IMMT: variants seen among roughly 807,000 people sequenced by gnomAD.
IMMT encodes MICOS complex subunit MIC60.
Under a neutral mutation model 92.7 loss-of-function variants are expected in IMMT, and 40 were observed. The observed-to-expected ratio is 0.43, with a 90% CI of 0.34 to 0.56. The LOEUF is 0.56. Ranked by LOEUF, IMMT falls within the 20% of genes least tolerant of loss-of-function variation. The probability of loss-of-function intolerance (pLI) is 0.03; values close to 1 mark genes in which losing one functional copy is unlikely to be tolerated. For synonymous variants in IMMT, 322 were observed against 336.1 expected (o/e 0.96, Z 0.46); for missense variants, 831 against 912.1 (o/e 0.91, Z 1.14).
At position 86,176,195 on chromosome 2, in the gene IMMT, C is replaced by CCTGG. The variant is rs565712078; in HGVS notation, c.310-2438_310-2435dup. Among the ~76,000 whole-genome samples, 256 of 152,312 alleles carry CCTGG rather than the reference C, an allele frequency of 1.7e-3. 2 individuals carry two copies. Among genetic ancestry groups the CCTGG allele is most frequent in the African/African-American group, 6.0e-3 (250 of 41,576 alleles). ...GTTCCTAGGCTGACATTTAAGCACT[C>CCTGG]CTGGCTTCATACTTATTCAGAAGGT... On this transcript the variant is annotated intron_variant, in intron 3 of 14. Coordinates refer to ENST00000410111, the MANE Select transcript of IMMT (RefSeq NM_006839.3).
intron 7 of IMMT, among the ~76,000 whole-genome samples, chr2:86,165,921 G>A (rs1217864219): frequency 6.6e-6 from 1 of 152,216 alleles, no homozygotes; most frequent in Non-Finnish European, 1.5e-5. Flanking sequence ...ATTAAAATAT[G>A]AAAGCAAATC....
At chr2:86,147,960 C>T in intron 12 of IMMT, 127 bp from the exon 13 acceptor site, 1 of 784,512 alleles carries the variant, frequency 1.3e-6, no homozygotes, top group Non-Finnish European at 2.0e-6. Context: ...ATGTGCCAGG[C>T]ATGTGTACAC....
At chr2:86,150,073 G>A (rs1675356460) in intron 12 of IMMT, among the ~76,000 whole-genome samples, 1 of 152,134 alleles carries the variant, frequency 6.6e-6, no homozygotes, top group Non-Finnish European at 1.5e-5. Flanking sequence ...TGGAATAGCT[G>A]AGCAGATTGT....
chr2:86,166,927 G>A (rs1191223078), intron 6 of IMMT, among the ~76,000 whole-genome samples: 5 of 151,308 alleles, frequency 3.3e-5, no homozygotes, highest in African/African-American at 1.2e-4. Flanking sequence ...GTGAAACCCC[G>A]TCTCTACTAA....
chr2:86,169,448 C>G (rs1454020328), intron 6 of IMMT, among the ~76,000 whole-genome samples: 1 of 152,088 alleles, frequency 6.6e-6, no homozygotes, highest in Non-Finnish European at 1.5e-5. Flanking sequence ...GACACCTATG[C>G]TATTCTAAGA....
intron 4 of IMMT, 40 bp downstream of exon 4, chr2:86,173,610 T>G (rs1677246303): frequency 2.7e-6 from 3 of 1,128,864 alleles, no homozygotes. Flanking sequence ...GTGAAGAGAT[T>G]TACCTATAAT....
At position 86,144,189 on chromosome 2, in the gene IMMT, C is replaced by G; in HGVS notation, c.*79G>C. On this transcript the variant is annotated 3_prime_UTR_variant, in exon 15 of 15. Coordinates refer to ENST00000410111, the MANE Select transcript of IMMT (RefSeq NM_006839.3). ...TGCTCATTTCTAGACAAGTCCGGGA[C>G]TCTCGCTGCGAACCCTTCATCTATC... The G allele has an allele frequency of 6.7e-7, 1 of 1,503,122 alleles. No homozygotes were observed. Among genetic ancestry groups the G allele is most frequent in the East Asian group, 2.3e-5 (1 of 43,990 alleles). 93.1% of individuals were successfully genotyped at this position (1,503,122 alleles called of 1,614,324 possible).
chr2:86,169,528 G>C (rs1332215233), intron 6 of IMMT, among the ~76,000 whole-genome samples: 8 of 152,020 alleles, frequency 5.3e-5, no homozygotes, highest in African/African-American at 1.7e-4. Context: ...AAATGACAAG[G>C]AGATCAAAAA....
intron 6 of IMMT, among the ~76,000 whole-genome samples, chr2:86,170,007 T>G (rs1676973438): frequency 6.6e-6 from 1 of 152,222 alleles, no homozygotes; most frequent in Non-Finnish European, 1.5e-5. Flanking sequence ...AAAGCACTAC[T>G]AGAGAGTCCA....
chr2:86,160,232 C>T (rs964034053), intron 8 of IMMT, among the ~76,000 whole-genome samples: 1 of 152,168 alleles, frequency 6.6e-6, no homozygotes, highest in Non-Finnish European at 1.5e-5. Context: ...CCCATATCAG[C>T]CTCTCATTTC....
intron 14 of IMMT, 114 bp downstream of exon 14, chr2:86,145,954 A>G: frequency 1.3e-6 from 1 of 749,784 alleles, no homozygotes; most frequent in Non-Finnish European, 1.9e-6. Context: ...AAGTAGAGTG[A>G]TTAGTATTTT....
intron 3 of IMMT, among the ~76,000 whole-genome samples, chr2:86,178,387 G>T (rs539579790): frequency 2.6e-5 from 4 of 151,688 alleles, no homozygotes; most frequent in East Asian, 1.9e-4. Flanking sequence ...CAGCACTTTG[G>T]GGGGCCGAGG....
At chr2:86,161,852 T>C in intron 8 of IMMT, 124 bp downstream of exon 8, 1 of 677,002 alleles carries the variant, frequency 1.5e-6, no homozygotes, top group South Asian at 1.6e-5. Context: ...CAAGCACAGG[T>C]GGAAAAGTGA....
intron 9 of IMMT, among the ~76,000 whole-genome samples, chr2:86,159,093 T>A (rs1473143116): frequency 2.2e-4 from 28 of 129,102 alleles, no homozygotes; most frequent in Non-Finnish European, 2.7e-4. Flanking sequence ...AAAAAAAAAA[T>A]TTTTTTTTTT....
At chr2:86,188,439 G>A (rs1573950133) in intron 1 of IMMT, among the ~76,000 whole-genome samples, 1 of 151,860 alleles carries the variant, frequency 6.6e-6, no homozygotes, top group South Asian at 2.1e-4. Context: ...ATGTATATAT[G>A]TGGAGACAGC....
chr2:86,146,327 G>T, intron 13 of IMMT, 130 bp from the exon 14 acceptor site: 1 of 609,404 alleles, frequency 1.6e-6, no homozygotes. Flanking sequence ...CCTACATTTT[G>T]TGTAAAGTTT....
At chr2:86,166,258 G>A (rs1007071776) in intron 7 of IMMT, among the ~76,000 whole-genome samples, 5 of 152,164 alleles carry the variant, frequency 3.3e-5, no homozygotes, top group African/African-American at 1.2e-4. Flanking sequence ...TTGAACCTGG[G>A]AGGTGGAGGT....
intron 1 of IMMT, among the ~76,000 whole-genome samples, chr2:86,190,383 GAAT>G (rs751874041): frequency 7.9e-5 from 12 of 152,198 alleles, no homozygotes; most frequent in Non-Finnish European, 1.3e-4. Flanking sequence ...TGATCCTCAA[GAAT>G]AATAATGTTT....
intron 3 of IMMT, among the ~76,000 whole-genome samples, chr2:86,178,614 A>G (rs1390086943): frequency 6.6e-6 from 1 of 151,974 alleles, no homozygotes; most frequent in African/African-American, 2.4e-5. Flanking sequence ...CAACAGAGCA[A>G]GACTCCGTCT....
Sources: allele counts gnomAD v4.1 joint callset (sites outside exome capture counted in the v4.1 genomes callset), GRCh38; gene constraint gnomAD v4.1.1; transcripts MANE v1.5; gene names NCBI Gene and HGNC (gene_info 2026-07-23, HGNC 2026-07-21).